LRRC69: variants seen among roughly 807,000 people sequenced by gnomAD.
LRRC69 encodes the protein leucine-rich repeat-containing protein 69.
LRRC69 carries 42 observed loss-of-function variants against 37.8 expected under a neutral mutation model. The observed-to-expected ratio is 1.11, with a 90% CI of 0.87 to 1.44. The LOEUF is 1.44. Ranked by LOEUF, LRRC69 falls within the 40% of genes most tolerant of loss-of-function variation. The pLI is 0.00. For synonymous variants in LRRC69, 141 were observed against 143.1 expected, an observed-to-expected ratio of 0.99 and a Z score of 0.11; for missense variants, 357 against 401.9, an observed-to-expected ratio of 0.89 and a Z score of 0.96.
intron 7 of LRRC69, among the ~76,000 whole-genome samples, chr8:91,202,506 AATG>A (rs563043019): frequency 1.3e-3 from 192 of 152,340 alleles, no homozygotes; most frequent in African/African-American, 4.4e-3. Context: ...TCACAGAGGA[AATG>A]ATATTTTAAA....
chr8:91,120,287 T>A (rs1813596307), intron 1 of LRRC69, among the ~76,000 whole-genome samples: 1 of 152,230 alleles, frequency 6.6e-6, no homozygotes, highest in South Asian at 2.1e-4. Context: ...CAAATTTTCC[T>A]TTTTAAAATA....
chr8:91,116,956 C>T (rs557418048), intron 1 of LRRC69, among the ~76,000 whole-genome samples: 1 of 152,094 alleles, frequency 6.6e-6, no homozygotes, highest in South Asian at 2.1e-4. Context: ...AGATGCTTGC[C>T]TCATATCCAA....
At chr8:91,105,520 CAAAAAAATA>C (rs1813295849) in intron 1 of LRRC69, among the ~76,000 whole-genome samples, 1 of 151,484 alleles carries the variant, frequency 6.6e-6, no homozygotes, top group Non-Finnish European at 1.5e-5. Flanking sequence ...CTCATCTCTA[CAAAAAAATA>C]AAAATTAGCC....
chr8:91,165,876 G>T (rs1229921607), intron 5 of LRRC69, among the ~76,000 whole-genome samples: 3 of 151,730 alleles, frequency 2.0e-5, no homozygotes, highest in African/African-American at 7.2e-5. Context: ...GGCTGTAGAA[G>T]AATGCAGGTT....
chr8:91,166,838 A>C (rs1461454989), intron 5 of LRRC69, among the ~76,000 whole-genome samples: 1 of 152,000 alleles, frequency 6.6e-6, no homozygotes, highest in East Asian at 1.9e-4. Context: ...ATGCCTCCAC[A>C]GAGGAAGCTC....
chr8:91,194,261 G>A (rs1395440403), intron 6 of LRRC69, among the ~76,000 whole-genome samples: 2 of 148,656 alleles, frequency 1.3e-5, no homozygotes, highest in East Asian at 1.9e-4. Flanking sequence ...GTATTTTATT[G>A]AGGATTTTTG....
rs544479933 is a variant in LRRC69, at chr8:91,214,582, C to T, written c.934-4308C>T. On this transcript the variant is annotated intron_variant, in intron 7 of 7. Transcript: ENST00000448384. ...CTTGTCTCTACCTTGAAATATGAGGCCTAAGGTAAGTCATCTACCTTACTA... is the reference window on the plus strand; with the variant it reads ...CTTGTCTCTACCTTGAAATATGAGGTCTAAGGTAAGTCATCTACCTTACTA... Among the ~76,000 whole-genome samples, 86 of 152,122 alleles carry T rather than the reference C, an allele frequency of 5.7e-4. 2 individuals carry two copies. In the Middle Eastern group the frequency reaches 0.01, roughly 18 times the overall value.
At chr8:91,164,332 C>G (rs1442355390) in intron 5 of LRRC69, among the ~76,000 whole-genome samples, 2 of 151,658 alleles carry the variant, frequency 1.3e-5, no homozygotes, top group African/African-American at 4.8e-5. Flanking sequence ...TGTCAGGAAA[C>G]TAGGCTCAGA....
chr8:91,165,107 G>C (rs1050762657), intron 5 of LRRC69, among the ~76,000 whole-genome samples: 1 of 151,646 alleles, frequency 6.6e-6, no homozygotes, highest in Non-Finnish European at 1.5e-5. Context: ...GGAACAATTG[G>C]CAACATCTGT....
intron 5 of LRRC69, among the ~76,000 whole-genome samples, chr8:91,156,874 G>T (rs1009752518): frequency 2.0e-5 from 3 of 150,914 alleles, no homozygotes; most frequent in East Asian, 1.9e-4. Context: ...TTTTGAAGAG[G>T]CTCTCCTTTC....
At chr8:91,149,903 T>G (rs1442904073) in intron 5 of LRRC69, among the ~76,000 whole-genome samples, 2 of 152,014 alleles carry the variant, frequency 1.3e-5, no homozygotes, top group Non-Finnish European at 2.9e-5. Flanking sequence ...TATTGGTGTA[T>G]AAGAATGCTG....
At chr8:91,214,640 A>G (rs1810005249) in intron 7 of LRRC69, among the ~76,000 whole-genome samples, 1 of 152,146 alleles carries the variant, frequency 6.6e-6, no homozygotes, top group Admixed American at 6.6e-5. Flanking sequence ...TGGACAATGA[A>G]GGGATTAGAC....
chr8:91,216,863 T>C (rs1190526581), intron 7 of LRRC69, among the ~76,000 whole-genome samples: 3 of 152,192 alleles, frequency 2.0e-5, no homozygotes, highest in African/African-American at 7.2e-5. Flanking sequence ...GGTCTATTTA[T>C]AGTTTATACT....
At chr8:91,211,363 T>C (rs1279130693) in intron 7 of LRRC69, among the ~76,000 whole-genome samples, 2 of 151,628 alleles carry the variant, frequency 1.3e-5, no homozygotes, top group Non-Finnish European at 2.9e-5. Flanking sequence ...AATTTAAGGA[T>C]GCTTAAAATA....
rs1813781553 is a variant in LRRC69, at chr8:91,129,994, T to C, written c.383+2834T>C. On this transcript the variant is annotated intron_variant, in intron 3 of 7. Transcript: ENST00000448384. Reference sequence around the variant, plus strand: ...AAACTATTCAATGCATTTTGTACTATTCAATGCATTTTGACAAATGTACGC... The same window carrying C: ...AAACTATTCAATGCATTTTGTACTACTCAATGCATTTTGACAAATGTACGC... 2.0e-5 allele frequency among the ~76,000 whole-genome samples: 3 copies of C among 152,060 alleles called. No homozygotes were observed. In the South Asian group the frequency reaches 6.2e-4, roughly 31 times the overall value.
rs1314823639 is a variant in LRRC69 at position 91,124,562 on chromosome 8, C to T, written c.253C>T (p.Leu85=). 4.5e-6 allele frequency: 7 copies of T among 1,540,416 alleles called. No homozygotes were observed. The African/African-American group carries it at 6.9e-5, about 15-fold the overall frequency. ...GGAAGAGATGAAATATCTTACATCT[C>T]TGAAGAATCTCCATTTATCTGGAAA... is the stretch of plus-strand genomic sequence containing the variant. Residue 85 remains leucine, a synonymous_variant, in exon 2 of 8, where the codon CTG becomes TTG. Transcript: ENST00000448384.
At chr8:91,105,541 G>T (rs1261085739) in intron 1 of LRRC69, among the ~76,000 whole-genome samples, 1 of 151,742 alleles carries the variant, frequency 6.6e-6, no homozygotes, top group African/African-American at 2.4e-5. Context: ...AAATTAGCCA[G>T]GCACAGTGGC....
At chr8:91,179,755 A>T (rs1024385034) in intron 5 of LRRC69, among the ~76,000 whole-genome samples, 1 of 152,234 alleles carries the variant, frequency 6.6e-6, no homozygotes, top group Non-Finnish European at 1.5e-5. Context: ...ACATTTATGT[A>T]TTAAACGTAT....
At chr8:91,146,174 A>G (rs1444070922) in intron 5 of LRRC69, among the ~76,000 whole-genome samples, 3 of 151,734 alleles carry the variant, frequency 2.0e-5, no homozygotes, top group African/African-American at 4.8e-5. Context: ...TTCACCAACC[A>G]CTATCGCTAG....
Sources: allele counts gnomAD v4.1 joint callset (sites outside exome capture counted in the v4.1 genomes callset), GRCh38; gene constraint gnomAD v4.1.1; transcripts MANE v1.5; gene names NCBI Gene and HGNC (gene_info 2026-07-23, HGNC 2026-07-21).